CHST11: variants seen among roughly 807,000 people sequenced by gnomAD.
The protein encoded by CHST11 is C4S-1.
In CHST11, 9 loss-of-function variants were observed where a neutral mutation model predicts 30.4. The observed-to-expected ratio is 0.30, with a 90% CI of 0.18 to 0.52. The LOEUF is 0.52. CHST11 is among the 20% of genes least tolerant of loss of function. The probability of loss-of-function intolerance (pLI) is 0.97; values close to 1 mark genes in which losing one functional copy is unlikely to be tolerated. For missense variants in CHST11, 348 were observed against 460.6 expected (o/e 0.76, Z 2.24); for synonymous variants, 152 against 187.8 (o/e 0.81, Z 1.56).
intron 1 of CHST11, among the ~76,000 whole-genome samples, chr12:104,482,525 G>C (rs555202711): frequency 1.3e-5 from 2 of 152,174 alleles, no homozygotes; most frequent in East Asian, 3.9e-4. Context: ...GTGTCATTTT[G>C]GCTTTTCCCA....
intron 2 of CHST11, among the ~76,000 whole-genome samples, chr12:104,642,810 T>G (rs889298368): frequency 6.6e-6 from 1 of 152,176 alleles, no homozygotes; most frequent in Non-Finnish European, 1.5e-5. Flanking sequence ...TAGATTTTTT[T>G]TTTTACAATG....
intron 2 of CHST11, among the ~76,000 whole-genome samples, chr12:104,706,219 A>G (rs1250098229): frequency 6.6e-6 from 1 of 151,788 alleles, no homozygotes; most frequent in Non-Finnish European, 1.5e-5. Context: ...CCCTGTCTCT[A>G]TTAAAAATAC....
At chr12:104,725,219 G>A (rs924588100) in intron 2 of CHST11, among the ~76,000 whole-genome samples, 4 of 152,202 alleles carry the variant, frequency 2.6e-5, no homozygotes, top group South Asian at 2.1e-4. Context: ...CTGTGCTGTC[G>A]TTAGCATAGC....
At chr12:104,494,263 A>T (rs1015043783) in intron 1 of CHST11, among the ~76,000 whole-genome samples, 1 of 152,136 alleles carries the variant, frequency 6.6e-6, no homozygotes, top group Non-Finnish European at 1.5e-5. Context: ...CAGAGCCTGC[A>T]CCACGAAGCA....
intron 2 of CHST11, among the ~76,000 whole-genome samples, chr12:104,701,148 C>G (rs7963826): frequency 0.034 from 5,181 of 152,206 alleles, 220 homozygotes; most frequent in African/African-American, 0.1. Context: ...CTCCATCTGA[C>G]ACAGATGAGG....
chr12:104,743,473 T>TA, intron 2 of CHST11, among the ~76,000 whole-genome samples: 1 of 152,292 alleles, frequency 6.6e-6, no homozygotes, highest in East Asian at 1.9e-4. Context: ...GGCACCCCCT[T>TA]ACTATCCTCA....
At chr12:104,516,333 T>A (rs942330383) in intron 1 of CHST11, among the ~76,000 whole-genome samples, 1 of 152,176 alleles carries the variant, frequency 6.6e-6, no homozygotes, top group African/African-American at 2.4e-5. Context: ...GAGAGCACGG[T>A]GTCTGTTCAT....
At chr12:104,728,638 T>C (rs1004005210) in intron 2 of CHST11, among the ~76,000 whole-genome samples, 1 of 152,176 alleles carries the variant, frequency 6.6e-6, no homozygotes, top group Admixed American at 6.5e-5. Flanking sequence ...TCCCACTGGT[T>C]TGACTCAAGA....
chr12:104,605,122 C>T (rs1333791022), intron 2 of CHST11, among the ~76,000 whole-genome samples: 2 of 128,774 alleles, frequency 1.6e-5, no homozygotes, highest in Non-Finnish European at 3.1e-5. Flanking sequence ...TAGCAAAGTT[C>T]TCTTGGTGGG....
At chr12:104,571,812 C>T (rs1020991720) in intron 1 of CHST11, among the ~76,000 whole-genome samples, 1 of 152,180 alleles carries the variant, frequency 6.6e-6, no homozygotes, top group Non-Finnish European at 1.5e-5. Flanking sequence ...GGGACTGCTT[C>T]CAGTTTTTGA....
At chr12:104,479,328 G>C (rs746853881) in intron 1 of CHST11, among the ~76,000 whole-genome samples, 61 of 152,284 alleles carry the variant, frequency 4.0e-4, no homozygotes, top group Non-Finnish European at 7.2e-4. Context: ...AGCAGTCCCA[G>C]TAGAAAGAGA....
chr12:104,551,155 A>G (rs759316180), intron 1 of CHST11, among the ~76,000 whole-genome samples: 4 of 152,206 alleles, frequency 2.6e-5, no homozygotes, highest in Admixed American at 6.5e-5. Context: ...GGATGGCTCT[A>G]TTAAGAAAGG....
chr12:104,643,066 G>A (rs1466966699), intron 2 of CHST11, among the ~76,000 whole-genome samples: 3 of 152,228 alleles, frequency 2.0e-5, no homozygotes, highest in East Asian at 1.9e-4. Context: ...GTGCACACCT[G>A]TAATGCCAGC....
chr12:104,690,094 A>G (rs1451634458), intron 2 of CHST11, among the ~76,000 whole-genome samples: 1 of 152,250 alleles, frequency 6.6e-6, no homozygotes, highest in Non-Finnish European at 1.5e-5. Context: ...AGATTTAAAA[A>G]TAATTTATTC....
At chr12:104,470,580 G>A (rs915584930) in intron 1 of CHST11, among the ~76,000 whole-genome samples, 1 of 152,118 alleles carries the variant, frequency 6.6e-6, no homozygotes, top group Non-Finnish European at 1.5e-5. Context: ...ACATTTTTCT[G>A]ATGCTTTATG....
intron 2 of CHST11, among the ~76,000 whole-genome samples, chr12:104,708,844 C>A (rs992234612): frequency 1.3e-5 from 2 of 152,232 alleles, no homozygotes; most frequent in African/African-American, 4.8e-5. Flanking sequence ...ACCTGCGATG[C>A]GGCAGGGGCC....
At chr12:104,602,280 C>T (rs1332697938) in intron 2 of CHST11, 11 of 463,352 alleles carry the variant, frequency 2.4e-5, no homozygotes, top group Non-Finnish European at 3.4e-5. Context: ...CAATGGGACT[C>T]GGGAATTAAA....
chr12:104,617,107 A>G (rs1041590485), intron 2 of CHST11, among the ~76,000 whole-genome samples: 4 of 152,176 alleles, frequency 2.6e-5, no homozygotes, highest in Admixed American at 6.5e-5. Context: ...TCATAATTTC[A>G]TATGACTCAA....
chr12:104,680,772 G>A (rs552980776), intron 2 of CHST11, among the ~76,000 whole-genome samples: 1 of 152,272 alleles, frequency 6.6e-6, no homozygotes, highest in South Asian at 2.1e-4. Flanking sequence ...ACTCCCCCGG[G>A]TTCTCACGTG....
Sources: allele counts gnomAD v4.1 joint callset (sites outside exome capture counted in the v4.1 genomes callset), GRCh38; gene constraint gnomAD v4.1.1; transcripts MANE v1.5; gene names NCBI Gene and HGNC (gene_info 2026-07-23, HGNC 2026-07-21).